DDX46: variants seen among roughly 807,000 people sequenced by gnomAD.
DDX46 encodes the protein probable ATP-dependent RNA helicase DDX46.
Under a neutral mutation model 134.9 loss-of-function variants are expected in DDX46, and 30 were observed. That is an observed-to-expected ratio of 0.22 (90% CI 0.17 to 0.30). The LOEUF (loss-of-function observed/expected upper bound fraction) is 0.30, where lower values mean the gene tolerates loss of function less well. DDX46 is among the 10% of genes least tolerant of loss of function. The pLI is 1.00. For missense variants in DDX46, 622 were observed against 1,248.7 expected (o/e 0.50, Z 7.56); for synonymous variants, 415 against 404.1 (o/e 1.03, Z -0.32).
chr5:134,791,558 C>T (rs1451948639), intron 13 of DDX46, among the ~76,000 whole-genome samples: 1 of 144,250 alleles, frequency 6.9e-6, no homozygotes, highest in African/African-American at 2.7e-5. Context: ...GAGACTCCGT[C>T]TCAAAAAAAA....
At chr5:134,803,404 T>A (rs934076710) in intron 15 of DDX46, among the ~76,000 whole-genome samples, 1 of 152,130 alleles carries the variant, frequency 6.6e-6, no homozygotes, top group Non-Finnish European at 1.5e-5. Context: ...CGCACAGTTG[T>A]GGGTTTCTGC....
intron 18 of DDX46, among the ~76,000 whole-genome samples, chr5:134,812,985 A>G (rs1033491104): frequency 6.0e-5 from 9 of 151,116 alleles, no homozygotes; most frequent in Non-Finnish European, 8.8e-5. Context: ...CTCTGTCACC[A>G]GGCTGGAGTG....
At chr5:134,790,624 C>G in intron 13 of DDX46, 72 bp downstream of exon 13, 1 of 1,332,452 alleles carries the variant, frequency 7.5e-7, no homozygotes, top group Non-Finnish European at 1.1e-6. Flanking sequence ...ATGAAATGTT[C>G]ATGTGGTTTC....
chr5:134,778,734 C>T (rs1020038316), intron 6 of DDX46, among the ~76,000 whole-genome samples: 12 of 151,840 alleles, frequency 7.9e-5, no homozygotes, highest in South Asian at 2.1e-4. Flanking sequence ...CCACTATGCC[C>T]GGCTAAGTTT....
intron 20 of DDX46, among the ~76,000 whole-genome samples, chr5:134,818,619 T>A (rs956798514): frequency 6.6e-6 from 1 of 151,524 alleles, no homozygotes; most frequent in Non-Finnish European, 1.5e-5. Flanking sequence ...GGAGAATCGC[T>A]TGAACCTGGG....
At chr5:134,817,973 G>T (rs1483031193) in intron 20 of DDX46, among the ~76,000 whole-genome samples, 2 of 147,722 alleles carry the variant, frequency 1.4e-5, no homozygotes, top group Non-Finnish European at 1.5e-5. Flanking sequence ...TTTTGAGACA[G>T]ACTTTTGCTC....
At chr5:134,789,679 C>G (rs1754447776) in intron 12 of DDX46, among the ~76,000 whole-genome samples, 1 of 151,386 alleles carries the variant, frequency 6.6e-6, no homozygotes, top group African/African-American at 2.4e-5. Flanking sequence ...TCATTGTGGT[C>G]TATTTTTAAA....
At chr5:134,787,460 T>G (rs1425008037) in intron 11 of DDX46, among the ~76,000 whole-genome samples, 9 of 152,250 alleles carry the variant, frequency 5.9e-5, no homozygotes, top group Non-Finnish European at 1.3e-4. Context: ...ACTACAAAAC[T>G]GTTTCTTAGG....
intron 13 of DDX46, 107 bp from the exon 14 acceptor site, chr5:134,794,743 A>G: frequency 2.8e-6 from 4 of 1,432,772 alleles, no homozygotes; most frequent in Non-Finnish European, 3.8e-6. Flanking sequence ...GGGAGTGGCA[A>G]AACTGAGACA....
chr5:134,791,477 C>A (rs974606425), intron 13 of DDX46, among the ~76,000 whole-genome samples: 1 of 151,756 alleles, frequency 6.6e-6, no homozygotes, highest in African/African-American at 2.4e-5. Context: ...AGGAGAATGG[C>A]GTGAACCCGG....
chr5:134,824,231 TAATC>T (rs1430353046), intron 21 of DDX46, among the ~76,000 whole-genome samples: 1 of 152,210 alleles, frequency 6.6e-6, no homozygotes. Context: ...ATTTTTATAA[TAATC>T]TAAGCAAGTC....
intron 18 of DDX46, among the ~76,000 whole-genome samples, chr5:134,815,348 G>T (rs1755257226): frequency 6.6e-6 from 1 of 152,052 alleles, no homozygotes; most frequent in African/African-American, 2.4e-5. Context: ...TTTCTGAAGG[G>T]GGCTTGTATT....
chr5:134,782,748 C>T (rs1463855359), intron 8 of DDX46, among the ~76,000 whole-genome samples, 197 bp from the exon 9 acceptor site: 1 of 151,990 alleles, frequency 6.6e-6, no homozygotes, highest in East Asian at 1.9e-4. Flanking sequence ...ACCATGTTGC[C>T]CAGGTTGGTC....
Position 134,790,390 on chromosome 5 carries a change from T to A in DDX46, c.1544-80T>A, listed in dbSNP as rs1754466894. The A allele has an allele frequency of 2.3e-6, 3 of 1,322,240 alleles. No homozygotes were observed. The South Asian group carries it at 4.0e-5, about 18-fold the overall frequency. 81.9% of individuals were successfully genotyped at this position (1,322,240 alleles called of 1,614,324 possible). ...GCATTTTAGTTTCCTTTACAGTTTT[T>A]AAAAGTTCTTGGTAGCCATAAAATG... On this transcript the variant is annotated intron_variant, in intron 12 of 22. Transcript: ENST00000452510.
intron 1 of DDX46, among the ~76,000 whole-genome samples, chr5:134,763,068 A>T (rs11956597): frequency 0.12 from 17,478 of 151,848 alleles, 1,224 homozygotes; most frequent in East Asian, 0.26. Flanking sequence ...CAAAAAAAAA[A>T]AATAATAATA....
At position 134,796,048 on chromosome 5, in the gene DDX46, G is replaced by C. The variant is rs376188295; in HGVS notation, c.1852G>C (p.Glu618Gln). ...ACTTGAGCTTCTAGGCCATTATCAA[G>C]AGTCAGGATCTGTCATTATATTTGT... is the stretch of plus-strand genomic sequence containing the variant. ...KLLELLGHYQ[E>Q]SGSVIIFVDK... The change falls in exon 15 of 23, where the codon GAG becomes CAG. Residue 618 changes from glutamate (E) to glutamine (Q), a missense_variant. By Grantham distance (29) the Glu-to-Gln change is conservative. This residue lies in a region of DDX46 where 209 missense variants were observed against 508.4 expected (regional missense o/e 0.41). Transcript: ENST00000452510. 1.1e-5 allele frequency: 17 copies of C among 1,613,768 alleles called. No individual in the cohort carries two copies. Among genetic ancestry groups the C allele is most frequent in the Non-Finnish European group, 1.3e-5 (15 of 1,179,954 alleles).
At chr5:134,779,867 G>A (rs1335272044) in intron 6 of DDX46, among the ~76,000 whole-genome samples, 1 of 152,256 alleles carries the variant, frequency 6.6e-6, no homozygotes, top group Non-Finnish European at 1.5e-5. Flanking sequence ...GGGAGGCCGA[G>A]GCAGACGGAT....
intron 18 of DDX46, among the ~76,000 whole-genome samples, chr5:134,814,828 C>A (rs1410039387): frequency 6.6e-6 from 1 of 152,174 alleles, no homozygotes; most frequent in African/African-American, 2.4e-5. Context: ...GTTGCCCAGG[C>A]TGGTCTTGAA....
intron 18 of DDX46, among the ~76,000 whole-genome samples, chr5:134,813,719 G>A (rs1471761055): frequency 4.6e-5 from 7 of 151,950 alleles, no homozygotes; most frequent in East Asian, 1.9e-4. Flanking sequence ...CTGCCTCAGC[G>A]ATCTTCCCAC....
Sources: allele counts gnomAD v4.1 joint callset (sites outside exome capture counted in the v4.1 genomes callset), GRCh38; gene constraint gnomAD v4.1.1; regional missense constraint gnomAD v4.1.1; transcripts MANE v1.5; gene names NCBI Gene and HGNC (gene_info 2026-07-23, HGNC 2026-07-21).